CDK6: variants seen among roughly 807,000 people sequenced by gnomAD.
CDK6 encodes cyclin-dependent kinase 6.
In CDK6, 6 loss-of-function variants were observed where a neutral mutation model predicts 37.1. The ratio of observed to expected loss-of-function variants is 0.16; its 90% confidence interval spans 0.09 to 0.32. The LOEUF (loss-of-function observed/expected upper bound fraction) is 0.32, where lower values mean the gene tolerates loss of function less well. Among genes scored for constraint, CDK6 ranks in the 10% least tolerant of loss-of-function variants. CDK6 has a pLI of 1.00. For synonymous variants in CDK6, 160 were observed against 161.3 expected (o/e 0.99, Z 0.06); for missense variants, 224 against 418.9 (o/e 0.53, Z 4.06).
At position 92,735,697 on chromosome 7, in the gene CDK6, T is replaced by C. The variant is rs114575296; in HGVS notation, c.370-9904A>G. Among the ~76,000 whole-genome samples the C allele has an allele frequency of 4.8e-3, 736 of 152,334 alleles. 5 individuals carry two copies. Among genetic ancestry groups the C allele is most frequent in the African/African-American group, 0.017 (706 of 41,578 alleles). On this transcript the variant is annotated intron_variant, in intron 3 of 7. Transcript: ENST00000424848. ...CGTTATACATAGAAATCTTTTGGTT[T>C]TACTTGATTGGATGAATCACCCAAT...
chr7:92,695,762 G>T (rs1025922290), intron 4 of CDK6, among the ~76,000 whole-genome samples: 4 of 152,232 alleles, frequency 2.6e-5, no homozygotes, highest in Admixed American at 6.5e-5. Context: ...CCTGGGTGGG[G>T]AAGGCAGGCT....
At chr7:92,714,080 A>C (rs1342730548) in intron 4 of CDK6, among the ~76,000 whole-genome samples, 2 of 152,200 alleles carry the variant, frequency 1.3e-5, no homozygotes, top group African/African-American at 4.8e-5. Flanking sequence ...TGCAATGTTA[A>C]TCTTTTAAAA....
At chr7:92,818,384 T>C (rs989202853) in intron 2 of CDK6, among the ~76,000 whole-genome samples, 4 of 151,964 alleles carry the variant, frequency 2.6e-5, no homozygotes, top group Non-Finnish European at 5.9e-5. Context: ...CGGAAATAGC[T>C]GGATATCCAT....
intron 3 of CDK6, among the ~76,000 whole-genome samples, chr7:92,735,326 A>G (rs1182684758): frequency 6.6e-6 from 1 of 152,110 alleles, no homozygotes; most frequent in African/African-American, 2.4e-5. Flanking sequence ...TTATAAAGGT[A>G]TATTTCATAC....
At chr7:92,760,133 C>A (rs1490825625) in intron 3 of CDK6, among the ~76,000 whole-genome samples, 1 of 152,136 alleles carries the variant, frequency 6.6e-6, no homozygotes, top group Non-Finnish European at 1.5e-5. Flanking sequence ...GTATTCTGTA[C>A]ACAGACATTA....
intron 4 of CDK6, among the ~76,000 whole-genome samples, chr7:92,688,802 A>G (rs879736882): frequency 6.6e-6 from 1 of 152,182 alleles, no homozygotes; most frequent in African/African-American, 2.4e-5. Flanking sequence ...ACATAGAACC[A>G]TATTTGTCAG....
At chr7:92,653,317 A>G (rs1209199520) in intron 5 of CDK6, among the ~76,000 whole-genome samples, 2 of 152,176 alleles carry the variant, frequency 1.3e-5, no homozygotes, top group Admixed American at 1.3e-4. Context: ...CCACATCACA[A>G]GCAGCCCTAA....
chr7:92,818,232 T>A (rs1173181786), intron 2 of CDK6, among the ~76,000 whole-genome samples: 1 of 152,020 alleles, frequency 6.6e-6, no homozygotes. Context: ...AGTATGACAT[T>A]GGCAAAAGGA....
intron 5 of CDK6, among the ~76,000 whole-genome samples, chr7:92,646,252 A>C (rs940276112): frequency 6.6e-6 from 1 of 152,156 alleles, no homozygotes; most frequent in African/African-American, 2.4e-5. Context: ...ACTGTTTGCT[A>C]ATTATTACAT....
At chr7:92,794,035 T>A (rs553306424) in intron 2 of CDK6, among the ~76,000 whole-genome samples, 1 of 152,094 alleles carries the variant, frequency 6.6e-6, no homozygotes, top group African/African-American at 2.4e-5. Context: ...TATGTCTCAA[T>A]AGAGCTGTTT....
chr7:92,706,204 T>A lies in CDK6; in HGVS notation c.537+19422A>T, dbSNP rs573968679. The stretch of plus-strand genomic sequence containing the variant: ...CCTATTCCCAAGAGGAAGTGATCGG[T>A]GGAATACAAAATGGCTCAGTACAGA... On this transcript the variant is annotated intron_variant, in intron 4 of 7. Transcript: ENST00000424848. Among the ~76,000 whole-genome samples the A allele has an allele frequency of 1.6e-4, 25 of 152,322 alleles. No individual in the cohort carries two copies. In the South Asian group the frequency reaches 5.0e-3, roughly 30 times the overall value.
chr7:92,763,665 G>A (rs760776540), intron 3 of CDK6, among the ~76,000 whole-genome samples: 4 of 152,186 alleles, frequency 2.6e-5, no homozygotes, highest in Admixed American at 2.0e-4. Context: ...CACCACACCT[G>A]ACTTCACCTG....
At position 92,658,581 on chromosome 7, in the gene CDK6, T is replaced by C. The variant is rs76373612; in HGVS notation, c.647+12845A>G. ...TTTAGCATTTATAAACTCTCTCTCT[T>C]TCTCTCTCTCTCTCTCTCTCTCTCT... On this transcript the variant is annotated intron_variant, in intron 5 of 7. Coordinates refer to ENST00000424848, the MANE Select transcript of CDK6 (RefSeq NM_001145306.2). Among the ~76,000 whole-genome samples, 9 of 146,532 alleles carry C rather than the reference T, an allele frequency of 6.1e-5. No homozygotes were observed. In the East Asian group the frequency reaches 8.0e-4, roughly 13 times the overall value.
At chr7:92,724,931 A>G (rs1798473619) in intron 4 of CDK6, 1 of 826,000 alleles carries the variant, frequency 1.2e-6, no homozygotes, top group Non-Finnish European at 1.5e-6. Context: ...GAATTTCACA[A>G]AAATCCATCT....
chr7:92,688,656 T>C (rs1271884090), intron 4 of CDK6, among the ~76,000 whole-genome samples: 1 of 149,604 alleles, frequency 6.7e-6, no homozygotes, highest in Non-Finnish European at 1.5e-5. Flanking sequence ...AATTTAGGCA[T>C]TGAAAAAGAA....
intron 7 of CDK6, among the ~76,000 whole-genome samples, chr7:92,617,563 G>A (rs1384705762): frequency 6.6e-6 from 1 of 152,110 alleles, no homozygotes; most frequent in Non-Finnish European, 1.5e-5. Flanking sequence ...GAGCACAGAA[G>A]TCCTTATTTT....
At chr7:92,778,924 C>CATATATATATATATATATATATAT (rs145888983) in intron 2 of CDK6, among the ~76,000 whole-genome samples, 12 of 109,004 alleles carry the variant, frequency 1.1e-4, no homozygotes, top group Admixed American at 1.7e-4. Flanking sequence ...TATAGTTTAT[C>CATATATATATATATATATATATAT]ATATATATAT....
intron 5 of CDK6, among the ~76,000 whole-genome samples, chr7:92,663,136 A>T (rs527965047): frequency 6.6e-6 from 1 of 152,288 alleles, no homozygotes; most frequent in South Asian, 2.1e-4. Context: ...GAGGGAAGCA[A>T]TGGCTTGGGA....
At chr7:92,808,877 G>A (rs1562971222) in intron 2 of CDK6, among the ~76,000 whole-genome samples, 2 of 152,090 alleles carry the variant, frequency 1.3e-5, no homozygotes. Context: ...CTAACTTTTT[G>A]TTTGGATTAC....
Sources: gnomAD v4.1 joint callset for allele counts (sites outside exome capture counted in the v4.1 genomes callset) on GRCh38, gnomAD v4.1.1 for gene constraint, MANE v1.5 for transcripts, NCBI Gene and HGNC (gene_info 2026-07-23, HGNC 2026-07-21) for gene names.